TENM3: variants seen among roughly 807,000 people sequenced by gnomAD.
The protein encoded by TENM3 is teneurin transmembrane protein 3, also known as teneurin-3.
TENM3 carries 63 observed loss-of-function variants against 255.1 expected under a neutral mutation model. The observed-to-expected ratio is 0.25, with a 90% confidence interval of 0.20 to 0.30. The LOEUF is 0.30. TENM3 is among the 10% of genes least tolerant of loss of function. TENM3 has a pLI of 1.00. For synonymous variants in TENM3, 1,306 were observed against 1,322.3 expected (o/e 0.99, Z 0.27); for missense variants, 2,929 against 3,461.1 (o/e 0.85, Z 3.86).
At chr4:182,587,502 C>T (rs906201199) in intron 3 of TENM3, among the ~76,000 whole-genome samples, 53 of 152,208 alleles carry the variant, frequency 3.5e-4, no homozygotes, top group African/African-American at 1.2e-3. Context: ...TTGCTTGAAC[C>T]CGGGAGACAG....
Position 182,793,565 on chromosome 4 carries a change from A to T in TENM3, c.6893A>T (p.Asn2298Ile). The T allele has an allele frequency of 6.2e-7, 1 of 1,614,024 alleles. No homozygotes were observed. The highest frequency in any genetic ancestry group is 1.1e-5 in the South Asian group (1 of 91,076). ...GATGAATTCTATATTGCATCGGATAACACAGGGACACCACTGGCTGTGTTC... is the reference window on the plus strand; with the variant it reads ...GATGAATTCTATATTGCATCGGATATCACAGGGACACCACTGGCTGTGTTC... ...SGDEFYIASDNTGTPLAVFSS... is the reference protein window; with the variant it reads ...SGDEFYIASDITGTPLAVFSS... The change falls in exon 26 of 28, where the codon AAC (asparagine) becomes ATC (isoleucine). Residue 2298 changes from asparagine (N) to isoleucine (I), a missense_variant. By Grantham distance (149) the Asn-to-Ile change is moderately radical. Around this residue, in one of 6 missense-constraint regions of TENM3, gnomAD observed 256 missense variants for 389.3 expected, o/e 0.66. Transcript: ENST00000511685. The surrounding 1 kb of genome is among the most constrained non-coding windows in gnomAD (Gnocchi z 5.7).
chr4:182,306,334 G>T (rs941455479), intron 1 of TENM3, among the ~76,000 whole-genome samples: 6 of 152,020 alleles, frequency 3.9e-5, no homozygotes, highest in Non-Finnish European at 1.5e-5. Flanking sequence ...AGGATTACAG[G>T]CCTGAGCCAC....
chr4:181,989,039 A>AC, the TENM3 span, among the ~76,000 whole-genome samples: 2 of 151,834 alleles, frequency 1.3e-5, no homozygotes, highest in Non-Finnish European at 2.9e-5. Flanking sequence ...TGGCCTTAAG[A>AC]CCCCCAAATA....
upstream of TENM3, chr4:182,142,483 G>C (rs1169102266): frequency 6.0e-6 from 1 of 167,268 alleles, no homozygotes; most frequent in African/African-American, 2.4e-5. Flanking sequence ...TTCCTAGGAG[G>C]CGTCGTCCTT....
intron 1 of TENM3, among the ~76,000 whole-genome samples, chr4:182,161,699 G>GTATA (rs1210818013): frequency 3.3e-5 from 3 of 91,328 alleles, no homozygotes; most frequent in African/African-American, 1.5e-4. Flanking sequence ...AAATATATAT[G>GTATA]TATATATATA....
intron 3 of TENM3, among the ~76,000 whole-genome samples, chr4:182,600,268 T>G (rs548592780): frequency 2.8e-4 from 42 of 152,304 alleles, no homozygotes; most frequent in African/African-American, 9.1e-4. Context: ...ATATGAGTCT[T>G]CTGACGTTGT....
chr4:181,966,555 A>G, the TENM3 span, among the ~76,000 whole-genome samples: 1 of 152,182 alleles, frequency 6.6e-6, no homozygotes, highest in African/African-American at 2.4e-5. Context: ...AATAAAGCCA[A>G]TCAAGGAGAA....
At chr4:182,169,885 T>C (rs1414429104) in intron 1 of TENM3, among the ~76,000 whole-genome samples, 1 of 152,034 alleles carries the variant, frequency 6.6e-6, no homozygotes, top group Non-Finnish European at 1.5e-5. Flanking sequence ...ACAGTGTTTT[T>C]GTAATTTAAT....
chr4:182,025,814 TAA>T, the TENM3 span, among the ~76,000 whole-genome samples: 5 of 152,188 alleles, frequency 3.3e-5, no homozygotes, highest in African/African-American at 1.2e-4. Context: ...TTTGCCATTA[TAA>T]GTCTTCTTTT....
At chr4:181,818,108 C>G in the TENM3 span, among the ~76,000 whole-genome samples, 1 of 152,206 alleles carries the variant, frequency 6.6e-6, no homozygotes, top group African/African-American at 2.4e-5. Context: ...AGTTGTACTA[C>G]TCTTCTGGGA....
chr4:182,553,180 G>A (rs1389297214), intron 3 of TENM3, among the ~76,000 whole-genome samples: 1 of 152,088 alleles, frequency 6.6e-6, no homozygotes, highest in Non-Finnish European at 1.5e-5. Context: ...CTGCAGCCTC[G>A]AGCATCTGGG....
At chr4:181,726,879 C>A in the TENM3 span, among the ~76,000 whole-genome samples, 1 of 152,208 alleles carries the variant, frequency 6.6e-6, no homozygotes, top group Admixed American at 6.5e-5. Flanking sequence ...CAGACACTCC[C>A]TCTGGCTTCA....
the TENM3 span, among the ~76,000 whole-genome samples, chr4:181,694,584 A>C: frequency 6.6e-6 from 1 of 152,216 alleles, no homozygotes; most frequent in Non-Finnish European, 1.5e-5. Flanking sequence ...CTTTCAGTTA[A>C]AATAGTTATA....
chr4:182,728,751 A>G (rs1487926786), intron 13 of TENM3, among the ~76,000 whole-genome samples: 1 of 151,950 alleles, frequency 6.6e-6, no homozygotes, highest in African/African-American at 2.4e-5. Context: ...CTATGGGACC[A>G]CTCTTTTATA....
intron 2 of TENM3, among the ~76,000 whole-genome samples, chr4:182,328,947 A>AG (rs1763588848): frequency 6.6e-6 from 1 of 152,190 alleles, no homozygotes; most frequent in African/African-American, 2.4e-5. Context: ...CCTGAGCGCT[A>AG]GCCCATCTTG....
At chr4:182,466,960 C>T (rs1373267765) in intron 3 of TENM3, among the ~76,000 whole-genome samples, 1 of 151,450 alleles carries the variant, frequency 6.6e-6, no homozygotes, top group Non-Finnish European at 1.5e-5. Context: ...TCTGCCAAAA[C>T]TGACTTATGT....
chr4:181,574,306 T>C, the TENM3 span, among the ~76,000 whole-genome samples: 11 of 149,432 alleles, frequency 7.4e-5, no homozygotes, highest in Non-Finnish European at 1.3e-4. Context: ...CCGAGGCGGG[T>C]GGATCATGAG....
chr4:182,762,881 A>G (rs2309700), intron 22 of TENM3, among the ~76,000 whole-genome samples: 28,049 of 152,016 alleles, frequency 0.18, 3,292 homozygotes, highest in East Asian at 0.57. Flanking sequence ...CCCCTACCCC[A>G]TCATCACCAC....
intron 3 of TENM3, among the ~76,000 whole-genome samples, chr4:182,465,083 T>C (rs1217382813): frequency 6.6e-6 from 1 of 152,222 alleles, no homozygotes; most frequent in African/African-American, 2.4e-5. Context: ...TGTTGATTAA[T>C]AACTCTTAGG....
Sources: allele counts gnomAD v4.1 joint callset (sites outside exome capture counted in the v4.1 genomes callset), GRCh38; gene constraint gnomAD v4.1.1; regional missense constraint gnomAD v4.1.1; non-coding constraint Gnocchi (gnomAD v3.1); transcripts MANE v1.5; gene names NCBI Gene and HGNC (gene_info 2026-07-23, HGNC 2026-07-21).